Variants in PIEZO2 observed in about 807,000 individuals in gnomAD.
PIEZO2 encodes piezo-type mechanosensitive ion channel component 2.
PIEZO2 carries 172 observed loss-of-function variants against 337.3 expected under a neutral mutation model. The ratio of observed to expected loss-of-function variants is 0.51; its 90% CI spans 0.45 to 0.58. The LOEUF is 0.58. Ranked by LOEUF, PIEZO2 falls within the 20% of genes least tolerant of loss-of-function variation. The pLI is 0.00. For missense variants in PIEZO2, 3,028 were observed against 3,391.3 expected, an observed-to-expected ratio of 0.89 and a Z score of 2.66; for synonymous variants, 1,251 against 1,228.5, an observed-to-expected ratio of 1.02 and a Z score of -0.38.
rs949297151 is a variant in PIEZO2, at chr18:11,009,177, C to T, written c.161-29517G>A. Reference sequence around the variant, plus strand: ...GAATCCTGGTAGGTTGCTCTTGCCACGTCACTGTTATTTGCCTGGGCAGTG... The same window carrying T: ...GAATCCTGGTAGGTTGCTCTTGCCATGTCACTGTTATTTGCCTGGGCAGTG... On this transcript the variant is annotated intron_variant, in intron 2 of 55. Transcript: ENST00000674853. This position sits in a 1 kb window ranked among gnomAD's most constrained non-coding sequence, Gnocchi z 4.6. Among the ~76,000 whole-genome samples the T allele has an allele frequency of 1.3e-5, 2 of 152,210 alleles. No individual in the cohort carries two copies. Among genetic ancestry groups the T allele is most frequent in the African/African-American group, 2.4e-5 (1 of 41,458 alleles).
intron 3 of PIEZO2, among the ~76,000 whole-genome samples, chr18:10,934,677 G>GTGTGTGTC (rs1490853559): frequency 6.7e-6 from 1 of 149,092 alleles, no homozygotes; most frequent in African/African-American, 2.5e-5. Flanking sequence ...GTGTGTGTGT[G>GTGTGTGTC]TGTGTTGGGC....
chr18:10,886,027 C>T (rs1014881793), intron 4 of PIEZO2, among the ~76,000 whole-genome samples: 7 of 151,668 alleles, frequency 4.6e-5, no homozygotes, highest in African/African-American at 1.2e-4. Context: ...GAAAACCTCA[C>T]GCAAAAGAGA....
chr18:10,823,374 A>G (rs2040576768), intron 7 of PIEZO2, among the ~76,000 whole-genome samples: 1 of 152,218 alleles, frequency 6.6e-6, no homozygotes, highest in Non-Finnish European at 1.5e-5. Context: ...CTTCACAACT[A>G]TGATGACTTA....
At chr18:10,891,761 A>G (rs909226215) in intron 4 of PIEZO2, among the ~76,000 whole-genome samples, 7 of 152,196 alleles carry the variant, frequency 4.6e-5, no homozygotes, top group Non-Finnish European at 1.0e-4. Flanking sequence ...AAAATTCCAA[A>G]TTTTTCAGAA....
chr18:10,775,904 T>C lies in PIEZO2; in HGVS notation c.2535-1866A>G, dbSNP rs567625006. Reference sequence around the variant, plus strand: ...GCAGTCTAACCTCATGAGCTTGTAATGGATGACAAAAAAAGAAAAAAAAAA... The same window carrying C: ...GCAGTCTAACCTCATGAGCTTGTAACGGATGACAAAAAAAGAAAAAAAAAA... On this transcript the variant is annotated intron_variant, in intron 18 of 55. Transcript: ENST00000674853. This position sits in a 1 kb window ranked among gnomAD's most constrained non-coding sequence, Gnocchi z 4.3. Among the ~76,000 whole-genome samples, 9 of 118,832 alleles carry C rather than the reference T, an allele frequency of 7.6e-5. No individual in the cohort carries two copies. The South Asian group carries it at 2.5e-3, about 33-fold the overall frequency. The allele number at this position is 118,832 out of a possible 152,430, so 78.0% of individuals were successfully genotyped here. A position where few individuals can be genotyped will look rare whatever the true frequency, so the allele number is the denominator to read the frequency against.
rs983324171 is a variant in PIEZO2 at position 10,899,049 on chromosome 18, G to A, written c.329+12137C>T. ...TTAGGCAGCTTCACATCCAGGCAAC[G>A]GGATTGCACTGGACACATAAGAAGA... On this transcript the variant is annotated intron_variant, in intron 4 of 55. Transcript: ENST00000674853. The surrounding 1 kb of genome is among the most constrained non-coding windows in gnomAD (Gnocchi z 4.6). Among the ~76,000 whole-genome samples the A allele has an allele frequency of 2.0e-5, 3 of 152,176 alleles. No individual in the cohort carries two copies. Among genetic ancestry groups the A allele is most frequent in the Non-Finnish European group, 2.9e-5 (2 of 68,030 alleles).
chr18:10,880,937 A>G (rs1167072399), intron 4 of PIEZO2, among the ~76,000 whole-genome samples: 1 of 141,292 alleles, frequency 7.1e-6, no homozygotes, highest in Non-Finnish European at 1.5e-5. Context: ...TTTATTTAAT[A>G]TCTGACCTCA....
chr18:10,917,272 A>G (rs2031054112), intron 3 of PIEZO2, among the ~76,000 whole-genome samples: 1 of 152,180 alleles, frequency 6.6e-6, no homozygotes, highest in Non-Finnish European at 1.5e-5. Context: ...CTGATTTCTA[A>G]TAACAGCTCT....
chr18:11,089,017 C>T (rs2146027773), intron 1 of PIEZO2, among the ~76,000 whole-genome samples: 1 of 152,304 alleles, frequency 6.6e-6, no homozygotes, highest in South Asian at 2.1e-4. Flanking sequence ...TACTGTTTAT[C>T]TATCAGTAAC....
At chr18:11,137,939 G>C (rs941776245) in intron 1 of PIEZO2, among the ~76,000 whole-genome samples, 5 of 152,248 alleles carry the variant, frequency 3.3e-5, no homozygotes, top group Middle Eastern at 6.8e-3. Flanking sequence ...ATTGTCAAAT[G>C]GGTTTTTCCT....
At position 10,782,327 on chromosome 18, in the gene PIEZO2, T is replaced by TTATATAATTA. The variant is rs1232274975; in HGVS notation, c.2493-1962_2493-1961insTAATTATATA. 1.8e-4 allele frequency among the ~76,000 whole-genome samples: 16 copies of TTATATAATTA among 86,920 alleles called. No homozygotes were observed. In the South Asian group the frequency reaches 2.0e-3, roughly 11 times the overall value. 57.0% of individuals were successfully genotyped at this position (86,920 alleles called of 152,430 possible). On this transcript the variant is annotated intron_variant, in intron 17 of 55. Coordinates refer to ENST00000674853, the MANE Select transcript of PIEZO2 (RefSeq NM_001378183.1). ...TAAATAATTATATAATATATTATAA[T>TTATATAATTA]TATATATAAATAATTATAATATATT...
chr18:11,024,547 G>GAAAAA (rs569472740), intron 2 of PIEZO2, among the ~76,000 whole-genome samples: 2 of 104,056 alleles, frequency 1.9e-5, no homozygotes, highest in South Asian at 3.3e-4. Context: ...CTCTGTCTCA[G>GAAAAA]AAAAAAAAAA....
Position 10,877,626 on chromosome 18 carries a change from C to T in PIEZO2, c.330-6211G>A, listed in dbSNP as rs147787191. Among the ~76,000 whole-genome samples, 325 of 152,312 alleles carry T rather than the reference C, an allele frequency of 2.1e-3. 1 individual carries two copies. The highest frequency in any genetic ancestry group is 7.3e-3 in the African/African-American group (305 of 41,548). On this transcript the variant is annotated intron_variant, in intron 4 of 55. Coordinates refer to ENST00000674853, the MANE Select transcript of PIEZO2 (RefSeq NM_001378183.1). This position sits in a 1 kb window ranked among gnomAD's most constrained non-coding sequence, Gnocchi z 5.3. ...GAGGAGATTCTGACTTCTAACGTCTCCTTTCCCAGCCCTCCCCTTTATCCC... is the reference window on the plus strand; with the variant it reads ...GAGGAGATTCTGACTTCTAACGTCTTCTTTCCCAGCCCTCCCCTTTATCCC...
intron 33 of PIEZO2, among the ~76,000 whole-genome samples, 184 bp from the exon 34 acceptor site, chr18:10,736,894 G>A (rs1046239360): frequency 6.6e-6 from 1 of 152,108 alleles, no homozygotes; most frequent in Non-Finnish European, 1.5e-5. Context: ...ACGCGGTGTT[G>A]GCATATTGGG....
intron 3 of PIEZO2, among the ~76,000 whole-genome samples, chr18:10,978,822 T>C (rs1192797607): frequency 6.6e-6 from 1 of 152,216 alleles, no homozygotes; most frequent in Non-Finnish European, 1.5e-5. Context: ...TGAAAACATA[T>C]GAATTGCTTT....
Position 10,819,204 on chromosome 18 carries a change from T to C in PIEZO2, c.918-11930A>G, listed in dbSNP as rs1030244931. ...ATTTCTACTGGAATAATTACATGGGTAATTTAACAGTGGATTTGGATAAAA... is the reference window on the plus strand; with the variant it reads ...ATTTCTACTGGAATAATTACATGGGCAATTTAACAGTGGATTTGGATAAAA... On this transcript the variant is annotated intron_variant, in intron 7 of 55. Coordinates refer to ENST00000674853, the MANE Select transcript of PIEZO2 (RefSeq NM_001378183.1). The surrounding 1 kb of genome is among the most constrained non-coding windows in gnomAD (Gnocchi z 4.3). Among the ~76,000 whole-genome samples, 1 of 152,218 alleles carries C rather than the reference T, an allele frequency of 6.6e-6. No homozygotes were observed. The highest frequency in any genetic ancestry group is 6.5e-5 in the Admixed American group (1 of 15,284).
chr18:10,934,581 T>C (rs557373739), intron 3 of PIEZO2, among the ~76,000 whole-genome samples: 64 of 151,348 alleles, frequency 4.2e-4, no homozygotes, highest in African/African-American at 1.4e-3. Context: ...GTAACTTGAG[T>C]TGTGTGAAAA....
At position 10,871,294 on chromosome 18, in the gene PIEZO2, C is replaced by T. The variant is rs1013496796; in HGVS notation, c.451G>A (p.Glu151Lys). 9.1e-6 allele frequency: 14 copies of T among 1,537,050 alleles called. No individual in the cohort carries two copies. Among genetic ancestry groups the T allele is most frequent in the Admixed American group, 5.9e-5 (3 of 50,964 alleles). The change falls in exon 5 of 56, where the codon GAA becomes AAA. Residue 151 changes from glutamate to lysine, a missense_variant. This residue lies in a region of PIEZO2 where 542 missense variants were observed against 605.6 expected (regional missense o/e 0.89). Transcript: ENST00000674853. ...AACTCCGGGTTACTCTGTGCTGCTT[C>T]GTCTGTCACAGGTTTCTGAACAATG... ...RNIVQKPVTD[E>K]AAQSNPEFEN...
At chr18:11,100,890 T>C (rs185945273) in intron 1 of PIEZO2, among the ~76,000 whole-genome samples, 43 of 152,270 alleles carry the variant, frequency 2.8e-4, no homozygotes, top group South Asian at 6.2e-4. Flanking sequence ...CCACCGTGCC[T>C]GGCCCACATT....
Sources: allele counts gnomAD v4.1 joint callset (sites outside exome capture counted in the v4.1 genomes callset), GRCh38; gene constraint gnomAD v4.1.1; regional missense constraint gnomAD v4.1.1; non-coding constraint Gnocchi (gnomAD v3.1); transcripts MANE v1.5; gene names NCBI Gene and HGNC (gene_info 2026-07-23, HGNC 2026-07-21).